The following PRKCQ variants were observed in gnomAD, a reference collection of about 807,000 sequenced individuals.
PRKCQ encodes the protein protein kinase C theta.
Under a neutral mutation model 91.2 loss-of-function variants are expected in PRKCQ, and 41 were observed. The ratio of observed to expected loss-of-function variants is 0.45; its 90% confidence interval spans 0.35 to 0.58. PRKCQ has a LOEUF of 0.58. PRKCQ is among the 20% of genes least tolerant of loss of function. PRKCQ has a pLI of 0.00. For missense variants in PRKCQ, 673 were observed against 896.5 expected, an observed-to-expected ratio of 0.75 and a Z score of 3.18; for synonymous variants, 307 against 316.9, an observed-to-expected ratio of 0.97 and a Z score of 0.33.
chr10:6,467,401 G>GAGAGAC (rs1564324410), intron 12 of PRKCQ, among the ~76,000 whole-genome samples: 11 of 97,590 alleles, frequency 1.1e-4, no homozygotes, highest in African/African-American at 3.7e-4. Flanking sequence ...GAGAGAGAGA[G>GAGAGAC]AGAGAGAGAG....
In PRKCQ at chr10:6,554,312, G is replaced by A. The variant is rs77305237; in HGVS notation, c.-10+25899C>T. On this transcript the variant is annotated intron_variant, in intron 1 of 17. Transcript: ENST00000263125. ...GAGAACTCTCCAGCAGTAGTTTCAG[G>A]AGAAAAATGGGGGTCCAAACTGGGA... Among the ~76,000 whole-genome samples the A allele has an allele frequency of 2.8e-4, 43 of 152,316 alleles. No homozygotes were observed. The East Asian group carries it at 8.3e-3, about 29-fold the overall frequency.
chr10:6,550,996 CTTTTT>C (rs888102873), intron 1 of PRKCQ, among the ~76,000 whole-genome samples: 1 of 151,928 alleles, frequency 6.6e-6, no homozygotes, highest in African/African-American at 2.4e-5. Context: ...AGCATCTTCT[CTTTTT>C]TTTAAATGTT....
At chr10:6,429,691 A>G (rs1264300952) in intron 17 of PRKCQ, among the ~76,000 whole-genome samples, 1 of 152,186 alleles carries the variant, frequency 6.6e-6, no homozygotes, top group Admixed American at 6.5e-5. Flanking sequence ...TGTGATATAC[A>G]TAACTTAAAA....
intron 1 of PRKCQ, among the ~76,000 whole-genome samples, chr10:6,564,045 T>C (rs1840738574): frequency 6.6e-6 from 1 of 152,050 alleles, no homozygotes; most frequent in Admixed American, 6.5e-5. Context: ...AGCTGTAAAA[T>C]GCAAGAGGCT....
In PRKCQ at chr10:6,445,132, A is replaced by ATC. The variant is rs1588666100; in HGVS notation, c.1648-3052_1648-3051insGA. On this transcript the variant is annotated intron_variant, in intron 15 of 17. Transcript: ENST00000263125. ...GAGCAAGACTCTGTCAAAAAAAAAA[A>ATC]AAAAAAAAAAAAAAAAATTCCAGAC... 1.5e-3 allele frequency among the ~76,000 whole-genome samples: 146 copies of ATC among 98,132 alleles called. 1 individual carries two copies. The highest frequency in any genetic ancestry group is 1.9e-3 in the East Asian group (8 of 4,280). 64.4% of individuals were successfully genotyped at this position (98,132 alleles called of 152,430 possible). A position where few individuals can be genotyped will look rare whatever the true frequency, so the allele number is the denominator to read the frequency against.
At chr10:6,534,778 A>ATCTATCTATC (rs1356049558) in intron 1 of PRKCQ, among the ~76,000 whole-genome samples, 1,057 of 70,512 alleles carry the variant, frequency 0.015, 10 homozygotes, top group African/African-American at 0.029. Context: ...ATATATCTAT[A>ATCTATCTATC]TATATATATA....
At chr10:6,478,689 T>G (rs954396061) in intron 12 of PRKCQ, among the ~76,000 whole-genome samples, 13 of 152,228 alleles carry the variant, frequency 8.5e-5, no homozygotes, top group Non-Finnish European at 1.8e-4. Flanking sequence ...CTTGTTACAT[T>G]TTCCCCTAAG....
chr10:6,441,460 C>CT (rs965910392), intron 16 of PRKCQ, among the ~76,000 whole-genome samples: 20 of 66,900 alleles, frequency 3.0e-4, no homozygotes, highest in African/African-American at 3.9e-4. Flanking sequence ...CATTTTGTTT[C>CT]TTTTTTTTTT....
chr10:6,420,028 G>A, the PRKCQ span, among the ~76,000 whole-genome samples: 1,069 of 149,748 alleles, frequency 7.1e-3, 17 homozygotes, highest in African/African-American at 0.025. Context: ...CACTCTTGTC[G>A]CCCAGGCTGG....
At chr10:6,542,250 C>T (rs1008977198) in intron 1 of PRKCQ, among the ~76,000 whole-genome samples, 2 of 152,200 alleles carry the variant, frequency 1.3e-5, no homozygotes, top group African/African-American at 2.4e-5. Flanking sequence ...TATTTTCAGC[C>T]CAACAACCTG....
intron 1 of PRKCQ, among the ~76,000 whole-genome samples, chr10:6,552,773 T>C (rs1308639172): frequency 3.3e-5 from 5 of 152,148 alleles, no homozygotes. Context: ...AACCAAACTT[T>C]TTACTCTAAG....
intron 1 of PRKCQ, among the ~76,000 whole-genome samples, chr10:6,572,955 G>T (rs1489010927): frequency 6.6e-6 from 1 of 152,210 alleles, no homozygotes; most frequent in East Asian, 1.9e-4. Flanking sequence ...GTAACTGATT[G>T]TGGTTTTGAT....
chr10:6,500,983 AG>A (rs1347126350), intron 4 of PRKCQ, among the ~76,000 whole-genome samples: 1 of 152,216 alleles, frequency 6.6e-6, no homozygotes, highest in Non-Finnish European at 1.5e-5. Flanking sequence ...AGGTAGGAAA[AG>A]AAATGGCAAA....
chr10:6,423,705 A>G (rs1294988350), downstream of PRKCQ, among the ~76,000 whole-genome samples: 3 of 151,838 alleles, frequency 2.0e-5, no homozygotes, highest in African/African-American at 7.3e-5. Context: ...GACCGACCCT[A>G]CCTCCTGGCT....
chr10:6,397,392 C>T, the PRKCQ span, among the ~76,000 whole-genome samples: 26 of 142,628 alleles, frequency 1.8e-4, no homozygotes, highest in African/African-American at 6.1e-4. Context: ...CCATGTCCGA[C>T]CCCTTTGCCT....
At chr10:6,406,283 CCAGA>C in the PRKCQ span, among the ~76,000 whole-genome samples, 1 of 151,760 alleles carries the variant, frequency 6.6e-6, no homozygotes, top group South Asian at 2.1e-4. Flanking sequence ...GAACTGTGTT[CCAGA>C]CAGTTTCTAA....
At chr10:6,518,787 C>T (rs1838883164) in intron 1 of PRKCQ, among the ~76,000 whole-genome samples, 1 of 152,000 alleles carries the variant, frequency 6.6e-6, no homozygotes, top group Admixed American at 6.6e-5. Context: ...CATTGCACTC[C>T]AGCCTAGGCA....
At chr10:6,544,350 AC>A (rs1839876728) in intron 1 of PRKCQ, among the ~76,000 whole-genome samples, 1 of 152,180 alleles carries the variant, frequency 6.6e-6, no homozygotes, top group Non-Finnish European at 1.5e-5. Context: ...CTGTTTAATG[AC>A]CTGGTCACAC....
Position 6,497,386 on chromosome 10 carries a change from T to C in PRKCQ, c.543-135A>G, listed in dbSNP as rs948630773. On this transcript the variant is annotated intron_variant, in intron 5 of 17. Transcript: ENST00000263125. This position sits in a 1 kb window ranked among gnomAD's most constrained non-coding sequence, Gnocchi z 4.5. ...TCTGATCAGCAGCCCTGTTGTATCA[T>C]TTGCCAAGAGTATTAACAGAGTGTT... is the stretch of plus-strand genomic sequence containing the variant. 22 of 1,037,530 alleles carry C rather than the reference T, an allele frequency of 2.1e-5. 1 individual carries two copies. The South Asian group carries it at 2.9e-4, about 13-fold the overall frequency. The allele number at this position is 1,037,530 out of a possible 1,614,324, so 64.3% of individuals were successfully genotyped here. A position where few individuals can be genotyped will look rare whatever the true frequency, so the allele number is the denominator to read the frequency against.
Sources: gnomAD v4.1 joint callset for allele counts (sites outside exome capture counted in the v4.1 genomes callset) on GRCh38, gnomAD v4.1.1 for gene constraint, Gnocchi (gnomAD v3.1) non-coding constraint, MANE v1.5 for transcripts, NCBI Gene and HGNC (gene_info 2026-07-23, HGNC 2026-07-21) for gene names.